FGF7: variants seen among roughly 807,000 people sequenced by gnomAD.
FGF7 encodes the protein FGF-7.
A neutral mutation model predicts 20.5 loss-of-function variants in FGF7; 6 were observed. The ratio of observed to expected loss-of-function variants is 0.29; its 90% CI spans 0.16 to 0.58. The LOEUF (loss-of-function observed/expected upper bound fraction) is 0.58, where lower values mean the gene tolerates loss of function less well. Among genes scored for constraint, FGF7 ranks in the 20% least tolerant of loss-of-function variants. FGF7 has a pLI of 0.90. For synonymous variants in FGF7, 64 were observed against 74.7 expected, an observed-to-expected ratio of 0.86 and a Z score of 0.74; for missense variants, 144 against 228.8, an observed-to-expected ratio of 0.63 and a Z score of 2.39.
At chr15:49,423,490 A>C (rs995552999) in intron 1 of FGF7, 50 bp downstream of exon 1, 11 of 152,188 alleles carry the variant, frequency 7.2e-5, no homozygotes, top group African/African-American at 2.7e-4. Context: ...GTTTTCTAAA[A>C]GTTTATCTCT....
chr15:49,426,157 CTTTGTTT>C (rs891777240), intron 2 of FGF7, among the ~76,000 whole-genome samples: 4 of 151,810 alleles, frequency 2.6e-5, no homozygotes, highest in African/African-American at 9.6e-5. Context: ...GGGACAATTT[CTTTGTTT>C]TTCTGACCCT....
chr15:49,460,925 C>T (rs1020093796), intron 2 of FGF7, among the ~76,000 whole-genome samples: 1 of 152,206 alleles, frequency 6.6e-6, no homozygotes, highest in Non-Finnish European at 1.5e-5. Flanking sequence ...TAAAGGAATA[C>T]TGTCCAAGCC....
At chr15:49,457,993 A>AT (rs1230643517) in intron 2 of FGF7, among the ~76,000 whole-genome samples, 2 of 151,888 alleles carry the variant, frequency 1.3e-5, no homozygotes, top group African/African-American at 4.8e-5. Flanking sequence ...GATTGATAAT[A>AT]TTTTTTCCCC....
At chr15:49,452,661 T>A (rs1373628377) in intron 2 of FGF7, among the ~76,000 whole-genome samples, 2 of 152,196 alleles carry the variant, frequency 1.3e-5, no homozygotes, top group Non-Finnish European at 2.9e-5. Flanking sequence ...AAATCTGAGA[T>A]TTGAGAGAAA....
intron 2 of FGF7, among the ~76,000 whole-genome samples, chr15:49,471,127 T>A (rs1477744289): frequency 6.6e-6 from 1 of 152,092 alleles, no homozygotes; most frequent in East Asian, 1.9e-4. Flanking sequence ...AAAAACTAAT[T>A]CAGAAAGGAA....
chr15:49,469,791 A>T (rs9972565), intron 2 of FGF7, among the ~76,000 whole-genome samples: 49,715 of 151,964 alleles, frequency 0.33, 8,893 homozygotes, highest in African/African-American at 0.46. Flanking sequence ...AGCAGTAATG[A>T]GATTGAGAAG....
At chr15:49,475,845 G>A (rs1373308237) in intron 2 of FGF7, among the ~76,000 whole-genome samples, 3 of 152,062 alleles carry the variant, frequency 2.0e-5, no homozygotes, top group Non-Finnish European at 2.9e-5. Flanking sequence ...AAAATTAGGC[G>A]GTCGTGGTGG....
chr15:49,442,836 T>C (rs191756794), intron 2 of FGF7, among the ~76,000 whole-genome samples: 1 of 151,844 alleles, frequency 6.6e-6, no homozygotes, highest in Admixed American at 6.6e-5. Flanking sequence ...ACGACACCTA[T>C]ATACCTACTA....
At chr15:49,457,402 T>G in intron 2 of FGF7, among the ~76,000 whole-genome samples, 1 of 152,010 alleles carries the variant, frequency 6.6e-6, no homozygotes, top group Non-Finnish European at 1.5e-5. Flanking sequence ...AGCATTCAAA[T>G]TTCAAAGCTG....
chr15:49,459,461 T>G (rs1389133846), intron 2 of FGF7, among the ~76,000 whole-genome samples: 1 of 151,780 alleles, frequency 6.6e-6, no homozygotes, highest in Non-Finnish European at 1.5e-5. Flanking sequence ...TTTCTTTTTT[T>G]TGAGATATAA....
intron 2 of FGF7, among the ~76,000 whole-genome samples, chr15:49,464,876 T>C (rs1000267643): frequency 6.6e-6 from 1 of 152,142 alleles, no homozygotes; most frequent in East Asian, 1.9e-4. Context: ...GCAATTAGAA[T>C]GAATAAATGA....
rs1417754354 is a variant in FGF7 at position 49,437,675 on chromosome 15, C to G, written c.286+13092C>G. Among the ~76,000 whole-genome samples the G allele has an allele frequency of 3.3e-5, 5 of 151,644 alleles. No homozygotes were observed. The East Asian group carries it at 9.7e-4, about 29-fold the overall frequency. ...TTGTATTCTGAAAGTTGCAGTGGCT[C>G]TTTCCAGCAATTAGAATACTATTTA... On this transcript the variant is annotated intron_variant, in intron 2 of 3. Transcript: ENST00000267843.
At chr15:49,438,577 T>C (rs2051323216) in intron 2 of FGF7, among the ~76,000 whole-genome samples, 2 of 151,668 alleles carry the variant, frequency 1.3e-5, no homozygotes, top group South Asian at 4.1e-4. Flanking sequence ...ATATATAGCA[T>C]AGGAGTAGAT....
At chr15:49,441,948 G>A (rs1443405721) in intron 2 of FGF7, among the ~76,000 whole-genome samples, 3 of 151,168 alleles carry the variant, frequency 2.0e-5, no homozygotes, top group Non-Finnish European at 3.0e-5. Flanking sequence ...ATAATTATTT[G>A]TATATGTCTG....
At chr15:49,483,980 T>C (rs2056178574) in intron 3 of FGF7, among the ~76,000 whole-genome samples, 1 of 151,822 alleles carries the variant, frequency 6.6e-6, no homozygotes, top group Non-Finnish European at 1.5e-5. Context: ...AAAGAATGAG[T>C]GATGTGGGAA....
rs1268505652 is a variant in FGF7, at chr15:49,487,590, G to A, written c.*3086G>A. The A allele has an allele frequency of 4.6e-5, 7 of 151,798 alleles. No homozygotes were observed. The East Asian group carries it at 1.4e-3, about 29-fold the overall frequency. 9.4% of individuals were successfully genotyped at this position (151,798 alleles called of 1,614,324 possible). On this transcript the variant is annotated 3_prime_UTR_variant, in exon 4 of 4. Coordinates refer to ENST00000267843, the MANE Select transcript of FGF7 (RefSeq NM_002009.4). ...AGACTGCCAAAGAACATAAAGATGT[G>A]CGAGGGGACCTAGCTGTAGTAAAAG...
chr15:49,475,997 C>T (rs1370308668), intron 2 of FGF7, among the ~76,000 whole-genome samples: 3 of 152,284 alleles, frequency 2.0e-5, no homozygotes, highest in Admixed American at 1.3e-4. Context: ...TCCAGACATA[C>T]AGCTCTAGTT....
At chr15:49,471,254 G>A (rs562094735) in intron 2 of FGF7, among the ~76,000 whole-genome samples, 1 of 42,786 alleles carries the variant, frequency 2.3e-5, no homozygotes, top group Admixed American at 3.9e-4. Context: ...GGGAGGCCGA[G>A]GTGGGTGGAT....
chr15:49,479,179 A>C (rs1358689500), intron 2 of FGF7, among the ~76,000 whole-genome samples: 3 of 152,210 alleles, frequency 2.0e-5, no homozygotes, highest in Admixed American at 2.0e-4. Context: ...TATTGCTGAC[A>C]AGGCTAAATG....
Sources: allele counts gnomAD v4.1 joint callset (sites outside exome capture counted in the v4.1 genomes callset), GRCh38; gene constraint gnomAD v4.1.1; transcripts MANE v1.5; gene names NCBI Gene and HGNC (gene_info 2026-07-23, HGNC 2026-07-21).